The following RUNX1T1 variants were observed in gnomAD, a reference collection of about 807,000 sequenced individuals.
RUNX1T1 encodes RUNX1 partner transcriptional co-repressor 1, also known as protein CBFA2T1.
A neutral mutation model predicts 62.8 loss-of-function variants in RUNX1T1; 4 were observed. The observed-to-expected ratio is 0.06, with a 90% CI of 0.03 to 0.15. The LOEUF (loss-of-function observed/expected upper bound fraction) is 0.15, where lower values mean the gene tolerates loss of function less well. Among genes scored for constraint, RUNX1T1 ranks in the 10% least tolerant of loss-of-function variants. The pLI, the probability that RUNX1T1 is intolerant of heterozygous loss-of-function variation, is 1.00. For missense variants in RUNX1T1, 508 were observed against 754.3 expected, an observed-to-expected ratio of 0.67 and a Z score of 3.82; for synonymous variants, 291 against 286.0, an observed-to-expected ratio of 1.02 and a Z score of -0.18.
At chr8:91,979,563 C>T (rs1054538269) in intron 8 of RUNX1T1, among the ~76,000 whole-genome samples, 3 of 151,408 alleles carry the variant, frequency 2.0e-5, no homozygotes, top group African/African-American at 7.3e-5. Context: ...AAAAGTCCTT[C>T]TAAATTAAGT....
At chr8:92,088,865 T>C (rs778498767) in intron 1 of RUNX1T1, among the ~76,000 whole-genome samples, 3 of 152,206 alleles carry the variant, frequency 2.0e-5, no homozygotes, top group Non-Finnish European at 4.4e-5. Context: ...TTTTATCTAA[T>C]ATTTCTCTGA....
chr8:91,997,081 C>T (rs1818847106), intron 5 of RUNX1T1, among the ~76,000 whole-genome samples: 4 of 152,108 alleles, frequency 2.6e-5, no homozygotes, highest in Admixed American at 2.6e-4. Context: ...GAACCAAGAT[C>T]GCGCCACTGC....
downstream of RUNX1T1, chr8:91,957,594 G>T (rs1809574480): frequency 4.3e-6 from 1 of 230,052 alleles, no homozygotes; most frequent in Non-Finnish European, 8.6e-6. Flanking sequence ...CTAGTGTTAA[G>T]AATAACAGTG....
intron 1 of RUNX1T1, among the ~76,000 whole-genome samples, chr8:92,034,733 T>TACATATATATAC (rs529937716): frequency 4.0e-5 from 6 of 150,640 alleles, no homozygotes; most frequent in Non-Finnish European, 8.9e-5. Context: ...TACACACGTA[T>TACATATATATAC]ACATATATAT....
At chr8:92,043,636 T>C (rs1389213834) in intron 1 of RUNX1T1, among the ~76,000 whole-genome samples, 1 of 152,054 alleles carries the variant, frequency 6.6e-6, no homozygotes, top group African/African-American at 2.4e-5. Flanking sequence ...TTCCTTGGAA[T>C]TTTGGAGTGA....
exon 11 of RUNX1T1, chr8:91,959,466 G>GTGTGTGTGTGTGTA (rs749787366): frequency 2.3e-5 from 2 of 88,604 alleles, no homozygotes; most frequent in African/African-American, 1.2e-4. Flanking sequence ...GTGTGTGTGT[G>GTGTGTGTGTGTGTA]TATATGTGCG....
At chr8:92,101,589 G>A (rs1381866488), upstream of RUNX1T1, among the ~76,000 whole-genome samples, 28 of 152,142 alleles carry the variant, frequency 1.8e-4, no homozygotes, top group Admixed American at 1.8e-3. Context: ...ATGAGACCAT[G>A]GGCTGCACGG....
chr8:92,082,864 G>A (rs1835490492), intron 1 of RUNX1T1, among the ~76,000 whole-genome samples: 1 of 152,114 alleles, frequency 6.6e-6, no homozygotes, highest in Non-Finnish European at 1.5e-5. Flanking sequence ...TGTCCAGAAA[G>A]CAGATATGGG....
chr8:92,008,388 T>TCTCTCTCACA (rs1554617950), intron 4 of RUNX1T1, among the ~76,000 whole-genome samples: 1 of 131,898 alleles, frequency 7.6e-6, no homozygotes, highest in South Asian at 2.7e-4. Context: ...TCTCTCTCTC[T>TCTCTCTCACA]CACACACACA....
intron 5 of RUNX1T1, among the ~76,000 whole-genome samples, chr8:91,998,805 T>G (rs1819205057): frequency 6.6e-6 from 1 of 152,164 alleles, no homozygotes; most frequent in Non-Finnish European, 1.5e-5. Context: ...GCCCTCCAGT[T>G]TTTTCTGGTC....
chr8:92,019,567 C>G (rs1823690788), intron 1 of RUNX1T1, among the ~76,000 whole-genome samples: 1 of 152,144 alleles, frequency 6.6e-6, no homozygotes, highest in South Asian at 2.1e-4. Flanking sequence ...TGTCTACAAG[C>G]TGGACCTTAA....
intron 8 of RUNX1T1, among the ~76,000 whole-genome samples, chr8:91,978,303 A>G (rs1814429747): frequency 6.6e-6 from 1 of 152,146 alleles, no homozygotes. Context: ...TAATAAAGTG[A>G]GGACAATACT....
At chr8:92,061,905 C>G (rs1832096778) in intron 1 of RUNX1T1, among the ~76,000 whole-genome samples, 1 of 152,206 alleles carries the variant, frequency 6.6e-6, no homozygotes, top group South Asian at 2.1e-4. Context: ...GCAACGATCA[C>G]AGAAACACTC....
chr8:92,062,278 A>T lies in RUNX1T1; in HGVS notation c.7+268T>A, dbSNP rs192959012. Among the ~76,000 whole-genome samples, 31 of 152,250 alleles carry T rather than the reference A, an allele frequency of 2.0e-4. No homozygotes were observed. The East Asian group carries it at 4.8e-3, about 24-fold the overall frequency. ...ACCCTCAAGTAAATTACTCCGACAA[A>T]CATCCGTGGCTGTACGACCCCCTCA... On this transcript the variant is annotated intron_variant, in intron 1 of 10. Transcript: ENST00000396218.
At chr8:92,023,082 T>C (rs887594099) in intron 1 of RUNX1T1, among the ~76,000 whole-genome samples, 2 of 152,150 alleles carry the variant, frequency 1.3e-5, no homozygotes, top group Non-Finnish European at 2.9e-5. Context: ...TGTGATTCGA[T>C]TCTGGACAAT....
chr8:92,093,051 T>A (rs954060682), intron 1 of RUNX1T1, among the ~76,000 whole-genome samples: 1 of 152,174 alleles, frequency 6.6e-6, no homozygotes, highest in African/African-American at 2.4e-5. Context: ...CATTTTCTCT[T>A]ATCACTTTCC....
At chr8:92,033,990 T>A (rs1266987919) in intron 1 of RUNX1T1, among the ~76,000 whole-genome samples, 18 of 151,188 alleles carry the variant, frequency 1.2e-4, no homozygotes, top group Admixed American at 1.1e-3. Flanking sequence ...ATTTTTTTTT[T>A]AAATTTGGAA....
chr8:92,041,261 G>A (rs1297133813), intron 1 of RUNX1T1, among the ~76,000 whole-genome samples: 1 of 152,128 alleles, frequency 6.6e-6, no homozygotes, highest in South Asian at 2.1e-4. Context: ...CCCATGCTCC[G>A]GGTTTAACTA....
intron 1 of RUNX1T1, among the ~76,000 whole-genome samples, chr8:92,060,553 A>ATATATATATATATATATATATATGTG: frequency 1.6e-5 from 1 of 63,972 alleles, no homozygotes; most frequent in African/African-American, 5.8e-5. Flanking sequence ...ATATATATAT[A>ATATATATATATATATATATATATGTG]TGTGTGTGTG....
Sources: gnomAD v4.1 joint callset for allele counts (sites outside exome capture counted in the v4.1 genomes callset) on GRCh38, gnomAD v4.1.1 for gene constraint, MANE v1.5 for transcripts, NCBI Gene and HGNC (gene_info 2026-07-23, HGNC 2026-07-21) for gene names.